PCDHGB3: variants seen among roughly 807,000 people sequenced by gnomAD.
PCDHGB3 encodes the protein protocadherin gamma-B3.
In PCDHGB3, 40 loss-of-function variants were observed where a neutral mutation model predicts 59.2. The observed-to-expected ratio is 0.68, with a 90% CI of 0.52 to 0.88. PCDHGB3 has a LOEUF of 0.88. Among genes scored for constraint, PCDHGB3 ranks in the 40% least tolerant of loss-of-function variants. The pLI is 0.00. For synonymous variants in PCDHGB3, 581 were observed against 503.6 expected (o/e 1.15, Z -2.06); for missense variants, 1,309 against 1,187.9 (o/e 1.10, Z -1.50).
chr5:141,454,503 T>A (rs988138847), intron 1 of PCDHGB3, among the ~76,000 whole-genome samples: 1 of 152,308 alleles, frequency 6.6e-6, no homozygotes, highest in Non-Finnish European at 1.5e-5. Flanking sequence ...ACCTCCTGGA[T>A]TCAGGCAGTT....
chr5:141,473,148 C>T (rs1381616255), intron 1 of PCDHGB3, among the ~76,000 whole-genome samples: 1 of 152,184 alleles, frequency 6.6e-6, no homozygotes, highest in Non-Finnish European at 1.5e-5. Flanking sequence ...CTCTTCAGAT[C>T]ACTAGGGCTA....
intron 1 of PCDHGB3, chr5:141,399,180 G>A (rs1454578078): frequency 6.2e-7 from 1 of 1,613,916 alleles, no homozygotes; most frequent in Non-Finnish European, 8.5e-7. Context: ...TACTTGAAAT[G>A]ATTCTGGAAA....
chr5:141,501,701 G>A (rs747266621), intron 2 of PCDHGB3, among the ~76,000 whole-genome samples: 3 of 151,984 alleles, frequency 2.0e-5, no homozygotes, highest in East Asian at 1.9e-4. Flanking sequence ...GGGTGATTCC[G>A]AGGATAAAAA....
At position 141,413,207 on chromosome 5, in the gene PCDHGB3, C is replaced by T. The variant is rs563279284; in HGVS notation, c.2415+40398C>T. The T allele has an allele frequency of 4.7e-5, 76 of 1,612,874 alleles. 2 individuals carry two copies. The South Asian group carries it at 7.6e-4, about 16-fold the overall frequency. ...GCTCAAAGGAATCGCTCAAAGGAAT[C>T]AAAGGATTGCAGCGGGCTGGTCCTG... On this transcript the variant is annotated intron_variant, in intron 1 of 3. Coordinates refer to ENST00000576222, the MANE Select transcript of PCDHGB3 (RefSeq NM_018924.5).
At chr5:141,409,502 T>G (rs1311120933) in intron 1 of PCDHGB3, 17 of 1,613,868 alleles carry the variant, frequency 1.1e-5, no homozygotes, top group Non-Finnish European at 1.4e-5. Context: ...GCCTCTTTCT[T>G]CCAGTAGAAG....
At chr5:141,375,038 G>T in intron 1 of PCDHGB3, 1 of 1,614,038 alleles carries the variant, frequency 6.2e-7, no homozygotes, top group Non-Finnish European at 8.5e-7. Context: ...TGAGCTGGGT[G>T]TTGAAGCCCG....
chr5:141,478,987 G>T (rs1007857792), intron 1 of PCDHGB3, among the ~76,000 whole-genome samples: 8 of 152,144 alleles, frequency 5.3e-5, no homozygotes, highest in African/African-American at 1.4e-4. Flanking sequence ...TGTGACATTT[G>T]TATTAAAACT....
chr5:141,394,073 C>T (rs762892708), intron 1 of PCDHGB3: 14 of 1,613,718 alleles, frequency 8.7e-6, no homozygotes, highest in Non-Finnish European at 1.1e-5. Flanking sequence ...TCTACAATAT[C>T]ACAGTGATGG....
Position 141,485,486 on chromosome 5 carries a change from C to A in PCDHGB3, c.2416-9321C>A. On this transcript the variant is annotated intron_variant, in intron 1 of 3. Transcript: ENST00000576222. This position sits in a 1 kb window ranked among gnomAD's most constrained non-coding sequence, Gnocchi z 5.7. Reference sequence around the variant, plus strand: ...TGGGCTCAGTGCCAGCTGCATCGTGCCCCTGGAGTTTGTCACCGAAGGTCC... The same window carrying A: ...TGGGCTCAGTGCCAGCTGCATCGTGACCCTGGAGTTTGTCACCGAAGGTCC... 6.2e-7 allele frequency: 1 copy of A among 1,614,104 alleles called. No individual in the cohort carries two copies.
intron 1 of PCDHGB3, chr5:141,413,201 A>G (rs746209535): frequency 1.9e-6 from 3 of 1,611,954 alleles, no homozygotes; most frequent in Non-Finnish European, 2.5e-6. Context: ...AATCGCTCAA[A>G]GGAATCAAAG....
At chr5:141,445,900 T>C (rs2098480876) in intron 1 of PCDHGB3, among the ~76,000 whole-genome samples, 1 of 152,224 alleles carries the variant, frequency 6.6e-6, no homozygotes, top group African/African-American at 2.4e-5. Flanking sequence ...TATTAAAATA[T>C]TTTAAACAAG....
At chr5:141,418,778 T>A (rs1256260275) in intron 1 of PCDHGB3, 1 of 1,613,626 alleles carries the variant, frequency 6.2e-7, no homozygotes, top group East Asian at 2.2e-5. Flanking sequence ...TCAGCAGCCT[T>A]TGGATTTTGA....
chr5:141,376,170 C>T (rs1415388106), intron 1 of PCDHGB3: 2 of 1,614,112 alleles, frequency 1.2e-6, no homozygotes, highest in South Asian at 1.1e-5. Flanking sequence ...CTGGTGGTGG[C>T]GGTGGCCGCG....
At chr5:141,376,590 G>C (rs569935512) in intron 1 of PCDHGB3, 2 of 1,570,070 alleles carry the variant, frequency 1.3e-6, no homozygotes, top group Admixed American at 1.8e-5. Flanking sequence ...CAGCTAGATC[G>C]GCTGTTATAG....
intron 1 of PCDHGB3, chr5:141,421,294 A>G (rs779984795): frequency 1.9e-6 from 3 of 1,613,304 alleles, no homozygotes; most frequent in Non-Finnish European, 2.5e-6. Context: ...TTTCCTGGGG[A>G]CGCTGCGGGG....
chr5:141,430,643 T>G (rs1432236231), intron 1 of PCDHGB3: 16 of 946,950 alleles, frequency 1.7e-5, no homozygotes, highest in South Asian at 2.5e-5. Flanking sequence ...CCTGGGAGTA[T>G]GTGGAAACAA....
chr5:141,442,485 G>A (rs1000683527), intron 1 of PCDHGB3: 2 of 152,248 alleles, frequency 1.3e-5, no homozygotes, highest in Non-Finnish European at 2.9e-5. Flanking sequence ...TGGGGAAGGG[G>A]ATGATTGTGA....
intron 1 of PCDHGB3, chr5:141,375,369 C>T (rs759826011): frequency 6.2e-7 from 1 of 1,613,892 alleles, no homozygotes; most frequent in South Asian, 1.1e-5. Flanking sequence ...GACAAAGGAA[C>T]ACCACCTCTG....
rs746913952 is a variant in PCDHGB3, at chr5:141,432,898, G to T, written c.2415+60089G>T. 2.5e-6 allele frequency: 4 copies of T among 1,614,174 alleles called. No individual in the cohort carries two copies. Among genetic ancestry groups the T allele is most frequent in the Admixed American group, 3.3e-5 (2 of 60,034 alleles). ...TGGCCTTCGTCATCTTGCTGCTGGC[G>T]CTCAGGCTGCGGCGCTGGCACAAGT... On this transcript the variant is annotated intron_variant, in intron 1 of 3. Coordinates refer to ENST00000576222, the MANE Select transcript of PCDHGB3 (RefSeq NM_018924.5). The surrounding 1 kb of genome is among the most constrained non-coding windows in gnomAD (Gnocchi z 6.0).
Sources: gnomAD v4.1 joint callset for allele counts (sites outside exome capture counted in the v4.1 genomes callset) on GRCh38, gnomAD v4.1.1 for gene constraint, Gnocchi (gnomAD v3.1) non-coding constraint, MANE v1.5 for transcripts, NCBI Gene and HGNC (gene_info 2026-07-23, HGNC 2026-07-21) for gene names.